The following ABL1 variants were observed in gnomAD, a reference collection of about 807,000 sequenced individuals.
ABL1 encodes the protein tyrosine-protein kinase ABL1.
In ABL1, 11 loss-of-function variants were observed where a neutral mutation model predicts 94.7. The observed-to-expected ratio is 0.12, with a 90% CI of 0.07 to 0.19. The LOEUF (loss-of-function observed/expected upper bound fraction) is 0.19, where lower values mean the gene tolerates loss of function less well. Among genes scored for constraint, ABL1 ranks in the 10% least tolerant of loss-of-function variants. The probability of loss-of-function intolerance (pLI) is 1.00; values close to 1 mark genes in which losing one functional copy is unlikely to be tolerated. For synonymous variants in ABL1, 656 were observed against 622.4 expected, an observed-to-expected ratio of 1.05 and a Z score of -0.80; for missense variants, 1,082 against 1,489.4, an observed-to-expected ratio of 0.73 and a Z score of 4.50.
intron 1 of ABL1, among the ~76,000 whole-genome samples, chr9:130,804,081 A>C (rs532470819): frequency 6.6e-6 from 1 of 151,892 alleles, no homozygotes; most frequent in Non-Finnish European, 1.5e-5. Context: ...AAATGACCGG[A>C]CACAGTTGCT....
intron 1 of ABL1, among the ~76,000 whole-genome samples, chr9:130,749,944 C>T (rs970243734): frequency 1.3e-5 from 2 of 151,482 alleles, no homozygotes; most frequent in Non-Finnish European, 2.9e-5. Flanking sequence ...GAGGCTGAGG[C>T]GGGAGGATCA....
chr9:130,831,468 G>C (rs921839942), upstream of ABL1, among the ~76,000 whole-genome samples: 3 of 152,006 alleles, frequency 2.0e-5, no homozygotes, highest in African/African-American at 7.2e-5. Context: ...TCCTCTTTTG[G>C]TAACTTGTTC....
intron 1 of ABL1, among the ~76,000 whole-genome samples, chr9:130,805,814 G>A (rs182835823): frequency 5.9e-5 from 9 of 152,296 alleles, no homozygotes; most frequent in Non-Finnish European, 1.0e-4. Flanking sequence ...GGGGATGAAG[G>A]GGGAAGCCCT....
chr9:130,856,960 T>C (rs1027548021), intron 3 of ABL1, among the ~76,000 whole-genome samples: 1 of 152,234 alleles, frequency 6.6e-6, no homozygotes, highest in African/African-American at 2.4e-5. Flanking sequence ...TTCAAAAATC[T>C]GGTTCTGCTG....
intron 1 of ABL1, among the ~76,000 whole-genome samples, chr9:130,768,869 T>C (rs912754760): frequency 6.6e-6 from 1 of 152,234 alleles, no homozygotes; most frequent in Non-Finnish European, 1.5e-5. Context: ...ACTCTGTGGC[T>C]GTTAAAGAGC....
intron 1 of ABL1, among the ~76,000 whole-genome samples, chr9:130,759,220 G>A (rs2132744901): frequency 6.6e-6 from 1 of 152,288 alleles, no homozygotes; most frequent in South Asian, 2.1e-4. Flanking sequence ...TCAACATTGA[G>A]TTTTTCAGCA....
At chr9:130,757,536 CTTTTTTTTTT>C (rs11411714) in intron 1 of ABL1, among the ~76,000 whole-genome samples, 2 of 101,890 alleles carry the variant, frequency 2.0e-5, no homozygotes, top group South Asian at 7.4e-4. Flanking sequence ...TACTCCAGGC[CTTTTTTTTTT>C]TTTTTTTTTT....
chr9:130,725,324 A>C (rs1831567127), intron 1 of ABL1, among the ~76,000 whole-genome samples: 1 of 152,096 alleles, frequency 6.6e-6, no homozygotes. Flanking sequence ...ATATAACTAT[A>C]ATAATACAAT....
chr9:130,777,338 G>C (rs2772029), intron 1 of ABL1, among the ~76,000 whole-genome samples: 3,646 of 152,342 alleles, frequency 0.024, 61 homozygotes, highest in Admixed American at 0.037. Flanking sequence ...TTCAGTATTG[G>C]ACTAATGAGT....
chr9:130,868,520 CTTTTTTTTT>C (rs71389371), intron 4 of ABL1, among the ~76,000 whole-genome samples: 2 of 112,112 alleles, frequency 1.8e-5, no homozygotes, highest in African/African-American at 6.7e-5. Context: ...TTTTCTTTTT[CTTTTTTTTT>C]TTTTTTTTTT....
chr9:130,835,866 G>T lies in ABL1; in HGVS notation c.79+341G>T, dbSNP rs1275005945. Among the ~76,000 whole-genome samples, 1 of 152,186 alleles carries T rather than the reference G, an allele frequency of 6.6e-6. No homozygotes were observed. The highest frequency in any genetic ancestry group is 2.4e-5 in the African/African-American group (1 of 41,444). On this transcript the variant is annotated intron_variant, in intron 1 of 10. Transcript: ENST00000318560. This position sits in a 1 kb window ranked among gnomAD's most constrained non-coding sequence, Gnocchi z 4.6. ...TAGAGCCACGCCGGATGGTGACGGCGGCGTCCGGGGCCCCACAGTGCGGGC... is the reference window on the plus strand; with the variant it reads ...TAGAGCCACGCCGGATGGTGACGGCTGCGTCCGGGGCCCCACAGTGCGGGC...
intron 1 of ABL1, among the ~76,000 whole-genome samples, chr9:130,726,645 A>G (rs11244113): frequency 2.6e-5 from 4 of 151,634 alleles, no homozygotes; most frequent in African/African-American, 9.7e-5. Flanking sequence ...ACTTAAAAAA[A>G]TTTTTTTTTG....
chr9:130,799,297 C>T (rs1830024721), intron 1 of ABL1, among the ~76,000 whole-genome samples: 1 of 152,062 alleles, frequency 6.6e-6, no homozygotes, highest in Non-Finnish European at 1.5e-5. Context: ...GAAGTGTGAC[C>T]ACGAAAGGGC....
chr9:130,732,351 A>G (rs923877767), intron 1 of ABL1, among the ~76,000 whole-genome samples: 1 of 152,062 alleles, frequency 6.6e-6, no homozygotes, highest in Non-Finnish European at 1.5e-5. Flanking sequence ...AACAGTGTGG[A>G]ATGGGTCCAG....
At chr9:130,832,152 C>T (rs1436939394), upstream of ABL1, among the ~76,000 whole-genome samples, 2 of 142,028 alleles carry the variant, frequency 1.4e-5, no homozygotes, top group Non-Finnish European at 3.0e-5. Flanking sequence ...GAGATGGAGT[C>T]TCGCTCTGTT....
intron 1 of ABL1, among the ~76,000 whole-genome samples, chr9:130,715,617 C>A (rs927619729): frequency 2.0e-5 from 3 of 152,146 alleles, no homozygotes; most frequent in Admixed American, 6.6e-5. Flanking sequence ...TGATGGTTCC[C>A]AAATTCAGGA....
chr9:130,880,736 G>C lies in ABL1; in HGVS notation c.1678+72G>C. 1 of 1,548,492 alleles carries C rather than the reference G, an allele frequency of 6.5e-7. No individual in the cohort carries two copies. Among genetic ancestry groups the C allele is most frequent in the South Asian group, 1.2e-5 (1 of 84,262 alleles). ...CAGAGGCTACATTCAGGCCATCATA[G>C]GCCAACGGGAAGCTGTGAATGGAGC... On this transcript the variant is annotated intron_variant, in intron 10 of 10. Coordinates refer to ENST00000318560, the MANE Select transcript of ABL1 (RefSeq NM_005157.6). The surrounding 1 kb of genome is among the most constrained non-coding windows in gnomAD (Gnocchi z 4.4).
intron 1 of ABL1, among the ~76,000 whole-genome samples, chr9:130,846,664 C>T (rs1226534896): frequency 6.6e-6 from 1 of 152,206 alleles, no homozygotes. Flanking sequence ...AGGTGGGAAG[C>T]TTCCCGGGGA....
intron 1 of ABL1, among the ~76,000 whole-genome samples, chr9:130,829,701 A>G (rs1004476450): frequency 7.9e-5 from 12 of 152,228 alleles, no homozygotes; most frequent in African/African-American, 2.9e-4. Context: ...AGACTAAATG[A>G]AAACAAGGCA....
Sources: allele counts gnomAD v4.1 joint callset (sites outside exome capture counted in the v4.1 genomes callset), GRCh38; gene constraint gnomAD v4.1.1; non-coding constraint Gnocchi (gnomAD v3.1); transcripts MANE v1.5; gene names NCBI Gene and HGNC (gene_info 2026-07-23, HGNC 2026-07-21).